Variants in GRM7 observed in about 807,000 individuals in gnomAD.
GRM7 encodes the protein metabotropic glutamate receptor 7.
In GRM7, 35 loss-of-function variants were observed where a neutral mutation model predicts 84.5. That is an observed-to-expected ratio of 0.41 (90% confidence interval 0.32 to 0.55). GRM7 has a LOEUF of 0.55. Ranked by LOEUF, GRM7 falls within the 20% of genes least tolerant of loss-of-function variation. The probability of loss-of-function intolerance (pLI) is 0.19; values close to 1 mark genes in which losing one functional copy is unlikely to be tolerated. For missense variants in GRM7, 1,003 were observed against 1,194.6 expected (o/e 0.84, Z 2.36); for synonymous variants, 487 against 455.1 (o/e 1.07, Z -0.89).
At chr3:7,344,523 T>C (rs983337176) in intron 4 of GRM7, among the ~76,000 whole-genome samples, 16 of 152,064 alleles carry the variant, frequency 1.1e-4, no homozygotes, top group Admixed American at 9.8e-4. Context: ...TTTTAAATAA[T>C]AAAAATTCAT....
chr3:7,409,093 A>G lies in GRM7; in HGVS notation c.1034-5930A>G, dbSNP rs563871277. ...TTGATCTGTTTATTTATGTGCCAAG[A>G]CTACTGTTTTTCAATAATAGTGAAT... On this transcript the variant is annotated intron_variant, in intron 4 of 9. Transcript: ENST00000357716. Among the ~76,000 whole-genome samples the G allele has an allele frequency of 3.9e-5, 6 of 152,244 alleles. No individual in the cohort carries two copies. In the South Asian group the frequency reaches 1.2e-3, roughly 32 times the overall value.
At chr3:7,294,481 C>G (rs1455888033) in intron 2 of GRM7, among the ~76,000 whole-genome samples, 2 of 151,846 alleles carry the variant, frequency 1.3e-5, no homozygotes, top group East Asian at 3.9e-4. Flanking sequence ...TGCTGGCTCT[C>G]TGTACCATTG....
chr3:7,584,919 G>A (rs1695440114), intron 8 of GRM7, among the ~76,000 whole-genome samples: 3 of 152,148 alleles, frequency 2.0e-5, no homozygotes, highest in Non-Finnish European at 4.4e-5. Flanking sequence ...GGCAAAGAAA[G>A]AGAACTCTCA....
intron 2 of GRM7, among the ~76,000 whole-genome samples, chr3:7,238,837 C>G (rs2124915662): frequency 6.7e-6 from 1 of 149,280 alleles, no homozygotes; most frequent in Non-Finnish European, 1.5e-5. Flanking sequence ...CTCTCCCCTC[C>G]CCTCCCCTCT....
intron 2 of GRM7, among the ~76,000 whole-genome samples, chr3:7,206,943 G>C (rs1161431212): frequency 6.6e-6 from 1 of 152,118 alleles, no homozygotes; most frequent in African/African-American, 2.4e-5. Flanking sequence ...TGAAAATATG[G>C]ACAAGATATA....
chr3:7,140,932 C>T (rs956181782), intron 1 of GRM7, among the ~76,000 whole-genome samples: 1 of 151,830 alleles, frequency 6.6e-6, no homozygotes, highest in Non-Finnish European at 1.5e-5. Flanking sequence ...TAAAAGTGTC[C>T]TTCTAAATCT....
rs956621962 is a variant in GRM7, at chr3:7,163,280, G to A, written c.736+16612G>A. Among the ~76,000 whole-genome samples the A allele has an allele frequency of 2.6e-5, 4 of 152,122 alleles. No individual in the cohort carries two copies. In the East Asian group the frequency reaches 7.7e-4, roughly 29 times the overall value. On this transcript the variant is annotated intron_variant, in intron 2 of 9. Transcript: ENST00000357716. ...ATATCAGAAGAGGTAGCTAGACAGGGCCCCCCAAATGGCATCCAGGGTGTT... is the reference window on the plus strand; with the variant it reads ...ATATCAGAAGAGGTAGCTAGACAGGACCCCCCAAATGGCATCCAGGGTGTT...
intron 1 of GRM7, among the ~76,000 whole-genome samples, chr3:7,130,354 C>T (rs544186859): frequency 6.6e-6 from 1 of 152,010 alleles, no homozygotes; most frequent in South Asian, 2.1e-4. Flanking sequence ...CCAGTCTGGC[C>T]AACATAGTGA....
intron 1 of GRM7, among the ~76,000 whole-genome samples, chr3:6,910,120 T>A (rs1044282125): frequency 6.6e-6 from 1 of 152,050 alleles, no homozygotes; most frequent in Non-Finnish European, 1.5e-5. Context: ...ACTGGCATCA[T>A]CATCAATAAG....
At chr3:7,592,390 A>T (rs1016749468) in intron 8 of GRM7, among the ~76,000 whole-genome samples, 1 of 152,214 alleles carries the variant, frequency 6.6e-6, no homozygotes, top group African/African-American at 2.4e-5. Context: ...AACCATGAGG[A>T]GATCTAAGAG....
chr3:7,454,803 T>C (rs974975824), intron 6 of GRM7, among the ~76,000 whole-genome samples: 2 of 152,096 alleles, frequency 1.3e-5, no homozygotes, highest in South Asian at 2.1e-4. Context: ...TGGGTAAATA[T>C]AGAAGTAAAT....
At chr3:6,964,178 G>A (rs970359305) in intron 1 of GRM7, among the ~76,000 whole-genome samples, 6 of 152,118 alleles carry the variant, frequency 3.9e-5, no homozygotes, top group African/African-American at 7.2e-5. Flanking sequence ...CTCAGTCAGC[G>A]GGGCTGCTAT....
chr3:7,029,228 T>A (rs1696093394), intron 1 of GRM7, among the ~76,000 whole-genome samples: 4 of 146,822 alleles, frequency 2.7e-5, no homozygotes, highest in African/African-American at 1.0e-4. Context: ...CACTTGAACC[T>A]GGGAGGCAGA....
chr3:7,145,976 T>C (rs892960981), intron 1 of GRM7, among the ~76,000 whole-genome samples: 17 of 152,354 alleles, frequency 1.1e-4, no homozygotes, highest in Middle Eastern at 3.4e-3. Context: ...CTTACTTAGC[T>C]ATTTCCTTGG....
intron 5 of GRM7, among the ~76,000 whole-genome samples, chr3:7,433,438 T>A (rs1200459758): frequency 1.3e-5 from 2 of 152,214 alleles, no homozygotes; most frequent in African/African-American, 4.8e-5. Flanking sequence ...CAATGTGTTG[T>A]CTACTAGCTG....
chr3:7,433,143 G>T (rs1270711704), intron 5 of GRM7, among the ~76,000 whole-genome samples: 1 of 152,162 alleles, frequency 6.6e-6, no homozygotes, highest in Non-Finnish European at 1.5e-5. Flanking sequence ...TTTTATTATG[G>T]CCAGGTGGCA....
intron 2 of GRM7, among the ~76,000 whole-genome samples, chr3:7,280,998 G>GA (rs1456042935): frequency 1.3e-5 from 2 of 151,604 alleles, no homozygotes; most frequent in Admixed American, 1.3e-4. Flanking sequence ...ACTCTGAAAA[G>GA]AAAAAAAATA....
intron 2 of GRM7, 152 bp downstream of exon 2, chr3:7,146,820 G>T (rs1460426734): frequency 3.2e-6 from 2 of 616,440 alleles, no homozygotes; most frequent in East Asian, 2.8e-5. Flanking sequence ...GTATGACTTT[G>T]TTGTTTTTGG....
At chr3:7,077,613 C>T (rs901426610) in intron 1 of GRM7, among the ~76,000 whole-genome samples, 3 of 151,870 alleles carry the variant, frequency 2.0e-5, no homozygotes, top group African/African-American at 7.3e-5. Context: ...AAGAGAAATA[C>T]CTAGTGTAGA....
Sources: gnomAD v4.1 joint callset for allele counts (sites outside exome capture counted in the v4.1 genomes callset) on GRCh38, gnomAD v4.1.1 for gene constraint, MANE v1.5 for transcripts, NCBI Gene and HGNC (gene_info 2026-07-23, HGNC 2026-07-21) for gene names.